The following LAMC1 variants were observed in gnomAD, a reference collection of about 807,000 sequenced individuals.
LAMC1 encodes the protein laminin subunit gamma 1, also known as laminin subunit gamma-1.
LAMC1 carries 38 observed loss-of-function variants against 173.6 expected under a neutral mutation model. The observed-to-expected ratio is 0.22, with a 90% CI of 0.17 to 0.29. The LOEUF is 0.29. LAMC1 is among the 10% of genes least tolerant of loss of function. The pLI is 1.00. For synonymous variants in LAMC1, 746 were observed against 749.1 expected (o/e 1.00, Z 0.07); for missense variants, 1,824 against 2,051.8 (o/e 0.89, Z 2.14).
At chr1:183,077,888 T>A (rs945060951) in intron 1 of LAMC1, among the ~76,000 whole-genome samples, 2 of 151,508 alleles carry the variant, frequency 1.3e-5, no homozygotes, top group East Asian at 3.9e-4. Flanking sequence ...GTTATAAAAC[T>A]GATGACTAGC....
chr1:183,053,421 T>G (rs12144501), intron 1 of LAMC1, among the ~76,000 whole-genome samples: 33 of 149,570 alleles, frequency 2.2e-4, no homozygotes, highest in African/African-American at 3.8e-4. Flanking sequence ...TTGTGTGTGT[T>G]TTTTTTTTTC....
At chr1:183,048,880 T>C (rs1308164603) in intron 1 of LAMC1, among the ~76,000 whole-genome samples, 1 of 152,148 alleles carries the variant, frequency 6.6e-6, no homozygotes, top group African/African-American at 2.4e-5. Context: ...GCCAAAGCCC[T>C]CTCGAAAATA....
chr1:183,140,536 C>G (rs1296110467), intron 27 of LAMC1, 33 bp downstream of exon 27: 1 of 1,435,140 alleles, frequency 7.0e-7, no homozygotes, highest in Non-Finnish European at 9.8e-7. Context: ...TTGTCAGTCT[C>G]TGAATCTTTT....
intron 1 of LAMC1, among the ~76,000 whole-genome samples, chr1:183,048,052 C>T (rs1654311955): frequency 6.6e-6 from 1 of 152,128 alleles, no homozygotes; most frequent in African/African-American, 2.4e-5. Flanking sequence ...GTCTGCTTTT[C>T]TAGCAATCAG....
intron 27 of LAMC1, among the ~76,000 whole-genome samples, chr1:183,141,609 G>T (rs761580337): frequency 6.6e-6 from 1 of 152,206 alleles, no homozygotes; most frequent in Non-Finnish European, 1.5e-5. Flanking sequence ...TAATTTGCCA[G>T]CCTTTAAAGA....
chr1:183,099,535 T>G (rs1383876113), intron 1 of LAMC1, among the ~76,000 whole-genome samples: 1 of 152,116 alleles, frequency 6.6e-6, no homozygotes, highest in Non-Finnish European at 1.5e-5. Context: ...GATTCCTCCC[T>G]CCTCAAAACC....
At chr1:183,057,894 TCTAA>T (rs1275949297) in intron 1 of LAMC1, among the ~76,000 whole-genome samples, 1 of 152,228 alleles carries the variant, frequency 6.6e-6, no homozygotes, top group Admixed American at 6.5e-5. Flanking sequence ...TATTATGTGC[TCTAA>T]CTAAACATAT....
At chr1:183,047,908 A>G (rs954282028) in intron 1 of LAMC1, among the ~76,000 whole-genome samples, 4 of 152,210 alleles carry the variant, frequency 2.6e-5, no homozygotes, top group Non-Finnish European at 4.4e-5. Context: ...GTAATTTCCC[A>G]TGAATACAAC....
At chr1:183,047,768 C>T (rs1654303688) in intron 1 of LAMC1, among the ~76,000 whole-genome samples, 2 of 152,142 alleles carry the variant, frequency 1.3e-5, no homozygotes, top group Admixed American at 6.5e-5. Flanking sequence ...AAGAATTGCC[C>T]AAATCCTGCC....
At chr1:183,116,532 G>C (rs753871823) in intron 6 of LAMC1, 45 bp from the exon 7 acceptor site, 8 of 1,346,718 alleles carry the variant, frequency 5.9e-6, no homozygotes, top group Middle Eastern at 3.7e-4. Flanking sequence ...AAGAGTGGAA[G>C]TTTTCTCCCT....
intron 1 of LAMC1, among the ~76,000 whole-genome samples, chr1:183,028,631 C>G (rs1012888356): frequency 6.6e-6 from 1 of 152,232 alleles, no homozygotes; most frequent in Admixed American, 6.5e-5. Flanking sequence ...GCTTCTCTAA[C>G]GAGTCTCTCG....
intron 25 of LAMC1, among the ~76,000 whole-genome samples, 153 bp from the exon 26 acceptor site, chr1:183,137,516 T>C (rs1656979321): frequency 6.6e-6 from 1 of 152,190 alleles, no homozygotes; most frequent in Non-Finnish European, 1.5e-5. Flanking sequence ...ATAACCCAAA[T>C]TGATAATGTA....
rs150210600 is a variant in LAMC1 at position 183,114,549 on chromosome 1, G to A, written c.1040G>A (p.Arg347Gln). 1.9e-5 allele frequency: 30 copies of A among 1,613,986 alleles called. No homozygotes were observed. Among genetic ancestry groups the A allele is most frequent in the African/African-American group, 5.3e-5 (4 of 74,900 alleles). The stretch of plus-strand genomic sequence containing the variant: ...CTGACAGCCTGTGATTGCAATGGTC[G>A]ATCCCAGGAATGCTACTTCGACCCT... ...SECLPCDCNG[R>Q]SQECYFDPEL... Residue 347 changes from arginine (R) to glutamine (Q), a missense_variant, in exon 5 of 28, where the codon CGA becomes CAA. Transcript: ENST00000258341.
In LAMC1 at chr1:183,143,369, G is replaced by C. The variant is rs1369083579; in HGVS notation, c.*579G>C. 6.5e-6 allele frequency: 1 copy of C among 153,952 alleles called. No homozygotes were observed. Among genetic ancestry groups the C allele is most frequent in the African/African-American group, 2.4e-5 (1 of 41,414 alleles). The allele number at this position is 153,952 out of a possible 1,614,324, so 9.5% of individuals were successfully genotyped here. On this transcript the variant is annotated 3_prime_UTR_variant, in exon 28 of 28. Coordinates refer to ENST00000258341, the MANE Select transcript of LAMC1 (RefSeq NM_002293.4). ...CGGTAGCCATCCATCAGTGCTTTTA[G>C]TTATTATGAGTGTAGGACACTGAGC...
intron 1 of LAMC1, among the ~76,000 whole-genome samples, chr1:183,052,769 T>C (rs1252302073): frequency 1.3e-5 from 2 of 152,216 alleles, no homozygotes; most frequent in African/African-American, 4.8e-5. Flanking sequence ...TAGTAAATTA[T>C]AAGCAACTTG....
At position 183,115,726 on chromosome 1, in the gene LAMC1, G is replaced by A. The variant is rs1558052823; in HGVS notation, c.1328+89G>A. The A allele has an allele frequency of 3.3e-6, 3 of 904,852 alleles. No individual in the cohort carries two copies. The South Asian group carries it at 4.3e-5, about 13-fold the overall frequency. 56.1% of individuals were successfully genotyped at this position (904,852 alleles called of 1,614,324 possible). ...GATCTTATGGCTTATTGGCAGCAGG[G>A]TAAACATTTTTCCTGTAATAATTGT... is the stretch of plus-strand genomic sequence containing the variant. On this transcript the variant is annotated intron_variant, in intron 6 of 27. Coordinates refer to ENST00000258341, the MANE Select transcript of LAMC1 (RefSeq NM_002293.4).
At chr1:183,124,985 T>C (rs1656580934) in intron 14 of LAMC1, 109 bp downstream of exon 14, 2 of 1,378,948 alleles carry the variant, frequency 1.5e-6, no homozygotes, top group Non-Finnish European at 2.0e-6. Flanking sequence ...AGAAATACAT[T>C]GTGAACCGCT....
At chr1:183,070,042 TTGAG>T (rs1354258534) in intron 1 of LAMC1, among the ~76,000 whole-genome samples, 1 of 152,124 alleles carries the variant, frequency 6.6e-6, no homozygotes, top group Non-Finnish European at 1.5e-5. Flanking sequence ...TACTCAAAGA[TTGAG>T]TGAGTGGACA....
chr1:183,077,633 A>G (rs948333773), intron 1 of LAMC1, among the ~76,000 whole-genome samples: 1 of 151,762 alleles, frequency 6.6e-6, no homozygotes, highest in African/African-American at 2.4e-5. Flanking sequence ...TAGCTCCCAC[A>G]TATCAGTGAG....
Sources: allele counts gnomAD v4.1 joint callset (sites outside exome capture counted in the v4.1 genomes callset), GRCh38; gene constraint gnomAD v4.1.1; transcripts MANE v1.5; gene names NCBI Gene and HGNC (gene_info 2026-07-23, HGNC 2026-07-21).